VAT1L: variants seen among roughly 807,000 people sequenced by gnomAD.
VAT1L encodes the protein putative NADPH-dependent quinone oxidoreductase VAT1L.
A neutral mutation model predicts 44.1 loss-of-function variants in VAT1L; 34 were observed. The ratio of observed to expected loss-of-function variants is 0.77; its 90% CI spans 0.59 to 1.03. VAT1L has a LOEUF of 1.03. VAT1L is among the 50% of genes least tolerant of loss of function. The pLI, the probability that VAT1L is intolerant of heterozygous loss-of-function variation, is 0.00. For synonymous variants in VAT1L, 253 were observed against 202.2 expected, an observed-to-expected ratio of 1.25 and a Z score of -2.13; for missense variants, 615 against 538.8, an observed-to-expected ratio of 1.14 and a Z score of -1.40.
chr16:77,933,069 C>T (rs1314631729), intron 7 of VAT1L, among the ~76,000 whole-genome samples: 1 of 152,272 alleles, frequency 6.6e-6, no homozygotes, highest in East Asian at 1.9e-4. Context: ...AAAAGAGAAC[C>T]AGATATGGAA....
At chr16:77,969,270 A>C (rs2018254704) in intron 7 of VAT1L, among the ~76,000 whole-genome samples, 1 of 152,150 alleles carries the variant, frequency 6.6e-6, no homozygotes, top group African/African-American at 2.4e-5. Context: ...AGGAATACCT[A>C]ACTCTCTGGG....
chr16:77,905,324 A>G (rs2017426909), intron 7 of VAT1L, among the ~76,000 whole-genome samples: 1 of 152,176 alleles, frequency 6.6e-6, no homozygotes, highest in East Asian at 1.9e-4. Flanking sequence ...AAGAAAAAGC[A>G]GTAGCTGAGA....
At chr16:77,866,341 T>C (rs73579108) in intron 4 of VAT1L, among the ~76,000 whole-genome samples, 3,264 of 152,300 alleles carry the variant, frequency 0.021, 110 homozygotes, top group African/African-American at 0.074. Context: ...TACTTGAGTA[T>C]TGGGCAGTCC....
chr16:77,911,061 C>T (rs1050105806), intron 7 of VAT1L, among the ~76,000 whole-genome samples: 1 of 152,212 alleles, frequency 6.6e-6, no homozygotes, highest in Non-Finnish European at 1.5e-5. Context: ...TTACTATCAT[C>T]CCACAGGCAG....
chr16:77,914,344 G>T (rs1212476977), intron 7 of VAT1L, among the ~76,000 whole-genome samples: 1 of 152,112 alleles, frequency 6.6e-6, no homozygotes, highest in East Asian at 1.9e-4. Flanking sequence ...TACCTGTATG[G>T]TGGAGTACTA....
chr16:77,916,385 A>G (rs532538477), intron 7 of VAT1L, among the ~76,000 whole-genome samples: 8 of 152,190 alleles, frequency 5.3e-5, no homozygotes, highest in Non-Finnish European at 8.8e-5. Context: ...GCCACGAAGT[A>G]GCTGTATCGT....
At chr16:77,971,823 A>G in intron 7 of VAT1L, 27 bp from the exon 8 acceptor site, 1 of 1,606,432 alleles carries the variant, frequency 6.2e-7, no homozygotes, top group Non-Finnish European at 8.5e-7. Flanking sequence ...CCTAACCAGC[A>G]CCTCTGTTTC....
chr16:77,833,627 T>C (rs1173798853), intron 3 of VAT1L, among the ~76,000 whole-genome samples: 2 of 152,108 alleles, frequency 1.3e-5, no homozygotes, highest in South Asian at 2.1e-4. Context: ...GGCGTGTGCC[T>C]GTAATCCCAG....
intron 1 of VAT1L, among the ~76,000 whole-genome samples, chr16:77,792,078 C>G (rs1389615831): frequency 2.0e-5 from 3 of 152,116 alleles, no homozygotes; most frequent in Non-Finnish European, 4.4e-5. Flanking sequence ...CATACATTAT[C>G]TGCAAAGTGG....
At chr16:77,842,657 A>G (rs756888643) in intron 3 of VAT1L, among the ~76,000 whole-genome samples, 3 of 152,178 alleles carry the variant, frequency 2.0e-5, no homozygotes, top group Non-Finnish European at 4.4e-5. Context: ...TAAGTGACAC[A>G]GGCAGCCAGA....
At chr16:77,840,746 C>A (rs2016696254) in intron 3 of VAT1L, among the ~76,000 whole-genome samples, 1 of 149,520 alleles carries the variant, frequency 6.7e-6, no homozygotes, top group African/African-American at 2.6e-5. Context: ...TGATTCCTGG[C>A]CCAGCTATTT....
intron 7 of VAT1L, among the ~76,000 whole-genome samples, chr16:77,948,172 C>G (rs2017993882): frequency 6.6e-6 from 1 of 152,220 alleles, no homozygotes; most frequent in Non-Finnish European, 1.5e-5. Context: ...TCCTCCCACA[C>G]TCTGTTGGAA....
chr16:77,979,169 A>T lies in VAT1L; in HGVS notation c.*1474A>T, dbSNP rs1404272424. On this transcript the variant is annotated 3_prime_UTR_variant, in exon 9 of 9. Transcript: ENST00000302536. Reference sequence around the variant, plus strand: ...GTCCTTTTGTAGCAAATGTCACCTCATTCGTGGTCTTTTTACCTATCCTAA... The same window carrying T: ...GTCCTTTTGTAGCAAATGTCACCTCTTTCGTGGTCTTTTTACCTATCCTAA... 2 of 152,664 alleles carry T rather than the reference A, an allele frequency of 1.3e-5. No homozygotes were observed. The highest frequency in any genetic ancestry group is 2.9e-5 in the Non-Finnish European group (2 of 68,046). The allele number at this position is 152,664 out of a possible 1,614,324, so 9.5% of individuals were successfully genotyped here. A position where few individuals can be genotyped will look rare whatever the true frequency, so the allele number is the denominator to read the frequency against.
chr16:77,798,789 T>A (rs1278287761), intron 1 of VAT1L, among the ~76,000 whole-genome samples: 1 of 152,114 alleles, frequency 6.6e-6, no homozygotes, highest in African/African-American at 2.4e-5. Context: ...AGCGAGGAAA[T>A]GGAACCAAAA....
rs1468405044 is a variant in VAT1L at position 77,910,672 on chromosome 16, T to C, written c.1077+25870T>C. On this transcript the variant is annotated intron_variant, in intron 7 of 8. Coordinates refer to ENST00000302536, the MANE Select transcript of VAT1L (RefSeq NM_020927.3). The stretch of plus-strand genomic sequence containing the variant: ...CTGGGCAACAGAGTGAGACTCCTTC[T>C]CAAAAAAAAAAAAAAAAAAAAGAAA... 2.4e-4 allele frequency among the ~76,000 whole-genome samples: 6 copies of C among 25,344 alleles called. No homozygotes were observed. In the Admixed American group the frequency reaches 2.5e-3, roughly 11 times the overall value. The allele number at this position is 25,344 out of a possible 152,430, so 16.6% of individuals were successfully genotyped here. A position where few individuals can be genotyped will look rare whatever the true frequency, so the allele number is the denominator to read the frequency against.
chr16:77,878,102 T>G (rs986955877), intron 5 of VAT1L, among the ~76,000 whole-genome samples: 2 of 152,250 alleles, frequency 1.3e-5, no homozygotes, highest in African/African-American at 4.8e-5. Flanking sequence ...CACAATTATC[T>G]ACTTCATTAC....
chr16:77,824,700 G>A (rs147268842), intron 2 of VAT1L, among the ~76,000 whole-genome samples: 2,429 of 148,880 alleles, frequency 0.016, 71 homozygotes, highest in African/African-American at 0.055. Context: ...AGCTTGCAGT[G>A]AGCTGAGATC....
At chr16:77,954,327 G>A (rs2018078050) in intron 7 of VAT1L, among the ~76,000 whole-genome samples, 1 of 152,100 alleles carries the variant, frequency 6.6e-6, no homozygotes, top group African/African-American at 2.4e-5. Flanking sequence ...TATCCAGATA[G>A]CAAAAAGTGG....
At chr16:77,896,238 C>A (rs1412950784) in intron 7 of VAT1L, among the ~76,000 whole-genome samples, 2 of 152,166 alleles carry the variant, frequency 1.3e-5, no homozygotes, top group African/African-American at 4.8e-5. Context: ...TCATCCTTGT[C>A]CTCCTGCAAA....
Sources: gnomAD v4.1 joint callset for allele counts (sites outside exome capture counted in the v4.1 genomes callset) on GRCh38, gnomAD v4.1.1 for gene constraint, MANE v1.5 for transcripts, NCBI Gene and HGNC (gene_info 2026-07-23, HGNC 2026-07-21) for gene names.